Variants in DPF3 observed in about 807,000 individuals in gnomAD.
The protein encoded by DPF3 is double PHD fingers 3, also known as zinc finger protein DPF3.
DPF3 carries 18 observed loss-of-function variants against 56.8 expected under a neutral mutation model. The ratio of observed to expected loss-of-function variants is 0.32; its 90% CI spans 0.22 to 0.47. The LOEUF (loss-of-function observed/expected upper bound fraction) is 0.47. Among genes scored for constraint, DPF3 ranks in the 20% least tolerant of loss-of-function variants. The pLI, the probability that DPF3 is intolerant of heterozygous loss-of-function variation, is 1.00. For missense variants in DPF3, 403 were observed against 488.8 expected, an observed-to-expected ratio of 0.82 and a Z score of 1.65; for synonymous variants, 188 against 180.2, an observed-to-expected ratio of 1.04 and a Z score of -0.35.
intron 6 of DPF3, among the ~76,000 whole-genome samples, chr14:72,712,939 A>T (rs1317790513): frequency 1.3e-5 from 2 of 152,268 alleles, no homozygotes; most frequent in Non-Finnish European, 2.9e-5. Flanking sequence ...GTTCCAAAGC[A>T]GTTGTTGGCA....
intron 1 of DPF3, among the ~76,000 whole-genome samples, chr14:72,861,731 A>AGAAAGAGAG (rs1885417980): frequency 3.8e-5 from 3 of 78,396 alleles, no homozygotes; most frequent in Non-Finnish European, 7.8e-5. Context: ...GAGAGAAAGA[A>AGAAAGAGAG]AGAAAGAGAA....
intron 8 of DPF3, among the ~76,000 whole-genome samples, chr14:72,633,457 A>G (rs947275771): frequency 2.0e-5 from 3 of 152,180 alleles, no homozygotes; most frequent in African/African-American, 7.2e-5. Context: ...CAAGTCCTCC[A>G]AGATCAAAAG....
At chr14:72,653,345 T>C (rs774685075) in intron 8 of DPF3, among the ~76,000 whole-genome samples, 15 of 152,216 alleles carry the variant, frequency 9.9e-5, no homozygotes, top group Non-Finnish European at 1.9e-4. Context: ...TAAGATCCCC[T>C]GACTCCCAGT....
At chr14:72,780,062 A>T (rs1166373632) in intron 1 of DPF3, among the ~76,000 whole-genome samples, 1 of 152,236 alleles carries the variant, frequency 6.6e-6, no homozygotes, top group Non-Finnish European at 1.5e-5. Context: ...ACATTGGGTA[A>T]ATGATGAGTG....
intron 8 of DPF3, among the ~76,000 whole-genome samples, chr14:72,632,759 G>A (rs1021716722): frequency 1.4e-5 from 2 of 138,554 alleles, no homozygotes; most frequent in African/African-American, 5.4e-5. Context: ...ATGGAGGGAG[G>A]GGAAGGGGAG....
At chr14:72,883,447 C>A (rs1333791901) in intron 1 of DPF3, among the ~76,000 whole-genome samples, 2 of 151,666 alleles carry the variant, frequency 1.3e-5, no homozygotes. Context: ...ACAGAGTGAT[C>A]GCACTACTGC....
chr14:72,869,504 C>G (rs938466073), intron 1 of DPF3, among the ~76,000 whole-genome samples: 1 of 152,126 alleles, frequency 6.6e-6, no homozygotes, highest in Non-Finnish European at 1.5e-5. Context: ...AATGACAGGC[C>G]AGTGTGAGAC....
At chr14:72,833,563 T>TG (rs1884154074) in intron 1 of DPF3, among the ~76,000 whole-genome samples, 1 of 151,054 alleles carries the variant, frequency 6.6e-6, no homozygotes, top group Non-Finnish European at 1.5e-5. Flanking sequence ...ACAGAAACTC[T>TG]GGGGGAAAAA....
At chr14:72,719,615 A>G (rs1430347895) in intron 5 of DPF3, among the ~76,000 whole-genome samples, 1 of 152,202 alleles carries the variant, frequency 6.6e-6, no homozygotes. Context: ...ATGACTCACA[A>G]GAATCTCATG....
intron 8 of DPF3, among the ~76,000 whole-genome samples, chr14:72,648,455 G>C (rs981060620): frequency 6.6e-6 from 1 of 151,864 alleles, no homozygotes; most frequent in Non-Finnish European, 1.5e-5. Flanking sequence ...CAGCTACTCG[G>C]GAGGCTGAGG....
chr14:72,740,438 C>A (rs562912752), intron 3 of DPF3, among the ~76,000 whole-genome samples: 6 of 152,280 alleles, frequency 3.9e-5, no homozygotes, highest in African/African-American at 1.4e-4. Context: ...GGGAGCTATG[C>A]ACGATATGGA....
chr14:72,794,200 C>T (rs549231464), intron 1 of DPF3, among the ~76,000 whole-genome samples: 72 of 152,274 alleles, frequency 4.7e-4, no homozygotes, highest in Middle Eastern at 3.4e-3. Flanking sequence ...CATGGCTTCA[C>T]TGACAAGAAC....
chr14:72,688,732 GCACA>G (rs1887542902), intron 7 of DPF3, among the ~76,000 whole-genome samples: 1 of 152,266 alleles, frequency 6.6e-6, no homozygotes, highest in African/African-American at 2.4e-5. Context: ...ATATGCATGT[GCACA>G]CACACAGTCA....
intron 2 of DPF3, among the ~76,000 whole-genome samples, chr14:72,756,938 G>GAA (rs1181240673): frequency 8.4e-5 from 12 of 142,722 alleles, no homozygotes; most frequent in Admixed American, 2.8e-4. Context: ...AAGAAGAGAA[G>GAA]AGAAGAGAAA....
rs1883583183 is a variant in DPF3, at chr14:72,609,212, G to C, written c.*10085C>G. Among the ~76,000 whole-genome samples the C allele has an allele frequency of 6.6e-6, 1 of 152,102 alleles. No homozygotes were observed. Among genetic ancestry groups the C allele is most frequent in the African/African-American group, 2.4e-5 (1 of 41,404 alleles). ...GCGAGCATTCCATGGGATATCGAGG[G>C]GTCCCAAAGAAGAAGGCTGCTCGAT... is the stretch of plus-strand genomic sequence containing the variant. On this transcript the variant is annotated 3_prime_UTR_variant, in exon 11 of 11. Coordinates refer to ENST00000556509, the MANE Select transcript of DPF3 (RefSeq NM_001280542.3).
intron 7 of DPF3, among the ~76,000 whole-genome samples, chr14:72,680,680 C>T (rs75054747): frequency 0.021 from 3,272 of 152,354 alleles, 48 homozygotes; most frequent in Non-Finnish European, 0.033. Context: ...CACTCCGCAC[C>T]GTCAAGGACA....
intron 8 of DPF3, among the ~76,000 whole-genome samples, chr14:72,642,318 A>C (rs1218846739): frequency 6.6e-6 from 1 of 152,226 alleles, no homozygotes; most frequent in Non-Finnish European, 1.5e-5. Flanking sequence ...ATGGCAAAGG[A>C]GGAACAGTAA....
intron 4 of DPF3, among the ~76,000 whole-genome samples, chr14:72,728,384 T>C (rs1376827499): frequency 6.6e-6 from 1 of 152,002 alleles, no homozygotes; most frequent in East Asian, 1.9e-4. Context: ...AGAAAAGGCA[T>C]GCCAGATAAA....
At chr14:72,637,756 G>C (rs1270684481) in intron 8 of DPF3, among the ~76,000 whole-genome samples, 1 of 152,004 alleles carries the variant, frequency 6.6e-6, no homozygotes, top group Non-Finnish European at 1.5e-5. Context: ...CATCTGCTTG[G>C]TGGGATAAAC....
Sources: gnomAD v4.1 joint callset for allele counts (sites outside exome capture counted in the v4.1 genomes callset) on GRCh38, gnomAD v4.1.1 for gene constraint, MANE v1.5 for transcripts, NCBI Gene and HGNC (gene_info 2026-07-23, HGNC 2026-07-21) for gene names.